OR5V1: variants seen among roughly 807,000 people sequenced by gnomAD.
OR5V1 encodes the protein olfactory receptor 5V1.
For missense variants in OR5V1, 365 were observed against 371.5 expected (o/e 0.98, Z 0.14); for synonymous variants, 134 against 143.2 (o/e 0.94, Z 0.46).
intron 1 of OR5V1, among the ~76,000 whole-genome samples, chr6:29,363,266 G>A (rs1358663815): frequency 6.6e-6 from 1 of 152,114 alleles, no homozygotes; most frequent in African/African-American, 2.4e-5. Context: ...TCGAATCCCT[G>A]AATAGACCAA....
chr6:29,358,944 AT>A (rs369801122), intron 1 of OR5V1, among the ~76,000 whole-genome samples: 2,775 of 152,256 alleles, frequency 0.018, 37 homozygotes, highest in East Asian at 0.033. Flanking sequence ...GATTTTAAAT[AT>A]TTTCCCCACA....
intron 1 of OR5V1, among the ~76,000 whole-genome samples, chr6:29,357,963 G>A (rs1230043552): frequency 2.0e-5 from 3 of 152,100 alleles, no homozygotes; most frequent in African/African-American, 7.2e-5. Flanking sequence ...ATACTTTATC[G>A]ATTGCCCTCA....
At chr6:29,358,013 G>T (rs1378560594) in intron 1 of OR5V1, among the ~76,000 whole-genome samples, 1 of 152,130 alleles carries the variant, frequency 6.6e-6, no homozygotes, top group Non-Finnish European at 1.5e-5. Context: ...AGTTTGAGAG[G>T]TGGCTTAATT....
At chr6:29,360,057 C>A (rs933553202) in intron 1 of OR5V1, among the ~76,000 whole-genome samples, 1 of 152,154 alleles carries the variant, frequency 6.6e-6, no homozygotes, top group African/African-American at 2.4e-5. Flanking sequence ...TGAAGTCGAC[C>A]CTGGATGATC....
rs577346308 is a variant in OR5V1 at position 29,354,168 on chromosome 6, T to C, written c.*1062A>G. 1 of 152,072 alleles carries C rather than the reference T, an allele frequency of 6.6e-6. No individual in the cohort carries two copies. Among genetic ancestry groups the C allele is most frequent in the African/African-American group, 2.4e-5 (1 of 41,514 alleles). The allele number at this position is 152,072 out of a possible 1,614,324, so 9.4% of individuals were successfully genotyped here. ...TTGTATCTACCTGATCTATAAGCCT[T>C]TTTCTATCTCTCTTTCAATCTCTTA... On this transcript the variant is annotated 3_prime_UTR_variant, in exon 2 of 2. Coordinates refer to ENST00000641768, the MANE Select transcript of OR5V1 (RefSeq NM_030876.6).
At chr6:29,360,893 C>G (rs747255873) in intron 1 of OR5V1, among the ~76,000 whole-genome samples, 2 of 152,086 alleles carry the variant, frequency 1.3e-5, no homozygotes, top group African/African-American at 2.4e-5. Context: ...CAAATGATTG[C>G]AACTCCTCTC....
Position 29,355,661 on chromosome 6 carries a change from A to T in OR5V1, c.535T>A (p.Cys179Ser). 1 of 1,614,072 alleles carries T rather than the reference A, an allele frequency of 6.2e-7. No individual in the cohort carries two copies. Among genetic ancestry groups the T allele is most frequent in the South Asian group, 1.1e-5 (1 of 91,074 alleles). ...AAGATCAGCAAAGGGGGGATGTCAC[A>T]GAAGAAGTAATTAATCTGATTGTTG... Reference protein sequence around the residue: ...CGNNQINYFFCDIPPLLILSC... With the variant: ...CGNNQINYFFSDIPPLLILSC... Residue 179 changes from cysteine to serine, a missense_variant, in exon 2 of 2, where the codon TGT becomes AGT. Physicochemically the swap from Cys to Ser is moderately radical, Grantham distance 112. Coordinates refer to ENST00000641768, the MANE Select transcript of OR5V1 (RefSeq NM_030876.6).
Position 29,355,726 on chromosome 6 carries a change from A to C in OR5V1, c.470T>G (p.Val157Gly). Residue 157 changes from valine to glycine, a missense_variant, in exon 2 of 2, where the codon GTG (valine) becomes GGG (glycine). Coordinates refer to ENST00000641768, the MANE Select transcript of OR5V1 (RefSeq NM_030876.6). The part of the protein sequence containing the change: ...SCWAAGFLNS[V>G]VHTVLTFCLP... ...GCAGAATGTCAACACTGTATGCACC[A>C]CTGAGTTAAGGAAACCAGCAGCCCA... 6.2e-7 allele frequency: 1 copy of C among 1,614,080 alleles called. No individual in the cohort carries two copies. The highest frequency in any genetic ancestry group is 8.5e-7 in the Non-Finnish European group (1 of 1,179,974).
In OR5V1 at chr6:29,355,324, G is replaced by A. The variant is rs1424924040; in HGVS notation, c.872C>T (p.Thr291Ile). 4 of 1,613,754 alleles carry A rather than the reference G, an allele frequency of 2.5e-6. No homozygotes were observed. The highest frequency in any genetic ancestry group is 3.4e-6 in the Non-Finnish European group (4 of 1,179,858). The change falls in exon 2 of 2, where the codon ACA becomes ATA. Residue 291 changes from threonine (T) to isoleucine (I), a missense_variant. Physicochemically the swap from Thr to Ile is moderately conservative, Grantham distance 89 (BLOSUM62 -1). Coordinates refer to ENST00000641768, the MANE Select transcript of OR5V1 (RefSeq NM_030876.6). The part of the protein sequence containing the change: ...VTPMLNPIIY[T>I]LRNKDIKEAV... Reference sequence around the variant, plus strand: ...TTCTTTGATGTCCTTATTCCTCAATGTGTAAATTATAGGGTTTAGCATGGG... The same window carrying A: ...TTCTTTGATGTCCTTATTCCTCAATATGTAAATTATAGGGTTTAGCATGGG...
At chr6:29,359,068 G>A (rs1778448059) in intron 1 of OR5V1, among the ~76,000 whole-genome samples, 1 of 152,036 alleles carries the variant, frequency 6.6e-6, no homozygotes, top group Non-Finnish European at 1.5e-5. Flanking sequence ...AGACTAGAGT[G>A]GTGACAATTT....
rs140207308 is a variant in OR5V1, at chr6:29,356,060, T to A, written c.136A>T (p.Ile46Phe). 23 of 1,613,880 alleles carry A rather than the reference T, an allele frequency of 1.4e-5. No individual in the cohort carries two copies. In the African/African-American group the frequency reaches 2.1e-4, roughly 15 times the overall value. The change falls in exon 2 of 2, where the codon ATC (isoleucine) becomes TTC (phenylalanine). Residue 46 changes from isoleucine (I) to phenylalanine (F), a missense_variant. Ile to Phe is a conservative substitution (Grantham distance 21). Coordinates refer to ENST00000641768, the MANE Select transcript of OR5V1 (RefSeq NM_030876.6). Reference sequence around the variant, plus strand: ...TGTGGATCAGTCACAGTCGTCAAGATAATTAATATATTTCCTCCCAAAGTA... The same window carrying A: ...TGTGGATCAGTCACAGTCGTCAAGAAAATTAATATATTTCCTCCCAAAGTA... Reference protein sequence around the residue: ...FCTLGGNILIILTTVTDPHLH... With the variant: ...FCTLGGNILIFLTTVTDPHLH...
At chr6:29,357,130 A>G (rs1021583002) in intron 1 of OR5V1, among the ~76,000 whole-genome samples, 5 of 152,178 alleles carry the variant, frequency 3.3e-5, no homozygotes, top group Admixed American at 1.3e-4. Flanking sequence ...TAGATCATCA[A>G]TCTGGAAAAT....
At position 29,358,891 on chromosome 6, in the gene OR5V1, A is replaced by G. The variant is rs373115362; in HGVS notation, c.-82-2614T>C. On this transcript the variant is annotated intron_variant, in intron 1 of 1. Transcript: ENST00000641768. ...TGATTTATTGTATAGCATGGTGACT[A>G]TAGTTAAAATGTATTGTATATTCCA... is the stretch of plus-strand genomic sequence containing the variant. 1.3e-3 allele frequency among the ~76,000 whole-genome samples: 204 copies of G among 152,334 alleles called. 1 individual carries two copies. Among genetic ancestry groups the G allele is most frequent in the African/African-American group, 4.6e-3 (193 of 41,582 alleles).
chr6:29,356,110 G>T lies in OR5V1; in HGVS notation c.86C>A (p.Thr29Asn). The change falls in exon 2 of 2, where the codon ACC becomes AAC. Residue 29 changes from threonine (T) to asparagine (N), a missense_variant. Thr to Asn is a moderately conservative substitution (Grantham distance 65, BLOSUM62 0). Coordinates refer to ENST00000641768, the MANE Select transcript of OR5V1 (RefSeq NM_030876.6). ...ACAGAAATAAGTCAGAAAGAAGATG[G>T]TGAATAGTAAAAACTGCAATTCATT... ...NLNELQFLLF[T>N]IFFLTYFCTL... The T allele has an allele frequency of 6.2e-7, 1 of 1,613,388 alleles. No individual in the cohort carries two copies. Among genetic ancestry groups the T allele is most frequent in the Non-Finnish European group, 8.5e-7 (1 of 1,179,734 alleles).
chr6:29,355,857 G>A lies in OR5V1; in HGVS notation c.339C>T (p.Leu113=), dbSNP rs371392714. The part of the protein sequence containing the change: ...AFVFFVGSEC[L]LLAAMAYDRY... ...GATCATATGCCATTGCTGCCAGTAG[G>A]AGACACTCTGATCCTACAAAGAAAA... Residue 113 remains leucine (L), a synonymous_variant, in exon 2 of 2, where the codon CTC becomes CTT. Transcript: ENST00000641768. 1.6e-5 allele frequency: 26 copies of A among 1,613,884 alleles called. No individual in the cohort carries two copies. The African/African-American group carries it at 3.3e-4, about 21-fold the overall frequency.
chr6:29,358,328 A>C (rs1254403715), intron 1 of OR5V1, among the ~76,000 whole-genome samples: 6 of 152,188 alleles, frequency 3.9e-5, no homozygotes, highest in African/African-American at 1.4e-4. Context: ...TTAAGGCAAA[A>C]ATGTGGAAAA....
At position 29,355,652 on chromosome 6, in the gene OR5V1, G is replaced by A; in HGVS notation, c.544C>T (p.Pro182Ser). Residue 182 changes from proline (P) to serine (S), a missense_variant, in exon 2 of 2, where the codon CCC becomes TCC. Coordinates refer to ENST00000641768, the MANE Select transcript of OR5V1 (RefSeq NM_030876.6). ...NQINYFFCDI[P>S]PLLILSCGNT... ...CCACAAGACAAGATCAGCAAAGGGG[G>A]GATGTCACAGAAGAAGTAATTAATC... 6.2e-7 allele frequency: 1 copy of A among 1,613,988 alleles called. No homozygotes were observed. Among genetic ancestry groups the A allele is most frequent in the South Asian group, 1.1e-5 (1 of 91,074 alleles).
intron 1 of OR5V1, among the ~76,000 whole-genome samples, chr6:29,357,150 A>G (rs1200650944): frequency 6.6e-6 from 1 of 152,160 alleles, no homozygotes; most frequent in African/African-American, 2.4e-5. Flanking sequence ...TTCAAGAGCT[A>G]TTTGGCTGGT....
chr6:29,356,274 T>C lies in OR5V1; in HGVS notation c.-79A>G. ...AAATGAATCATATGCTGCAATAGCATGACCTGAAAAATAAGGGAAAAAACG... is the reference window on the plus strand; with the variant it reads ...AAATGAATCATATGCTGCAATAGCACGACCTGAAAAATAAGGGAAAAAACG... On this transcript the variant is annotated 5_prime_UTR_variant, in exon 2 of 2. An upstream start codon of the reference 5' UTR is lost. Transcript: ENST00000641768. 2 of 1,460,886 alleles carry C rather than the reference T, an allele frequency of 1.4e-6. No homozygotes were observed. The highest frequency in any genetic ancestry group is 1.4e-5 in the South Asian group (1 of 70,376). 90.5% of individuals were successfully genotyped at this position (1,460,886 alleles called of 1,614,324 possible). A position where few individuals can be genotyped will look rare whatever the true frequency, so the allele number is the denominator to read the frequency against.
Sources: allele counts gnomAD v4.1 joint callset (sites outside exome capture counted in the v4.1 genomes callset), GRCh38; gene constraint gnomAD v4.1.1; transcripts MANE v1.5; gene names NCBI Gene and HGNC (gene_info 2026-07-23, HGNC 2026-07-21).